PDS5A: variants seen among roughly 807,000 people sequenced by gnomAD.
PDS5A encodes sister chromatid cohesion protein PDS5 homolog A.
PDS5A carries 42 observed loss-of-function variants against 167.1 expected under a neutral mutation model. The observed-to-expected ratio is 0.25, with a 90% confidence interval of 0.20 to 0.33. The LOEUF is 0.33. Ranked by LOEUF, PDS5A falls within the 10% of genes least tolerant of loss-of-function variation. The pLI is 1.00. For synonymous variants in PDS5A, 553 were observed against 554.6 expected (o/e 1.00, Z 0.04); for missense variants, 1,033 against 1,605.9 (o/e 0.64, Z 6.10).
At chr4:39,892,927 GC>G (rs751753882) in intron 16 of PDS5A, among the ~76,000 whole-genome samples, 28 of 152,294 alleles carry the variant, frequency 1.8e-4, no homozygotes, top group Non-Finnish European at 3.7e-4. Context: ...GTGCAGGGGG[GC>G]CCTGCATTAG....
chr4:39,861,253 G>A (rs1425577324), intron 26 of PDS5A, among the ~76,000 whole-genome samples: 1 of 151,918 alleles, frequency 6.6e-6, no homozygotes, highest in Non-Finnish European at 1.5e-5. Flanking sequence ...AAGGTCAGGA[G>A]AGCAGCCTGG....
intron 17 of PDS5A, among the ~76,000 whole-genome samples, chr4:39,885,968 G>GA (rs1321596585): frequency 6.6e-6 from 1 of 151,590 alleles, no homozygotes; most frequent in African/African-American, 2.4e-5. Flanking sequence ...AAAAGAGAAA[G>GA]AAAAAAAAGC....
intron 2 of PDS5A, among the ~76,000 whole-genome samples, chr4:39,939,780 G>C (rs1255911322): frequency 1.3e-5 from 2 of 152,092 alleles, no homozygotes. Context: ...CTGGACAAAA[G>C]AGCAAGACTT....
At chr4:39,973,490 G>A (rs1730768804) in intron 2 of PDS5A, 5 of 1,336,324 alleles carry the variant, frequency 3.7e-6, no homozygotes, top group South Asian at 3.5e-5. Context: ...CTTGATGATA[G>A]TATTGATGAT....
At chr4:39,877,707 G>T (rs1426649614) in intron 18 of PDS5A, among the ~76,000 whole-genome samples, 1 of 151,874 alleles carries the variant, frequency 6.6e-6, no homozygotes, top group Non-Finnish European at 1.5e-5. Context: ...CAGCTCACTG[G>T]GGTCTCAACC....
chr4:39,834,803 T>G (rs1372046692), intron 32 of PDS5A, among the ~76,000 whole-genome samples: 3 of 152,148 alleles, frequency 2.0e-5, no homozygotes, highest in Non-Finnish European at 2.9e-5. Context: ...GTACAACCAT[T>G]ACCACCATCC....
At chr4:39,884,631 C>A (rs752453057) in intron 17 of PDS5A, among the ~76,000 whole-genome samples, 10 of 152,138 alleles carry the variant, frequency 6.6e-5, no homozygotes, top group Non-Finnish European at 1.5e-4. Flanking sequence ...CATCTGACCC[C>A]TCCTTAGCCC....
chr4:39,976,579 C>G lies in PDS5A; in HGVS notation c.-2G>C. 1 of 1,608,836 alleles carries G rather than the reference C, an allele frequency of 6.2e-7. No homozygotes were observed. Among genetic ancestry groups the G allele is most frequent in the Non-Finnish European group, 8.5e-7 (1 of 1,176,200 alleles). ...CTTGGGCTGCGCGGTGAAGTCCATCCTGGGGGACAACTTTTGGTTCACAGT... is the reference window on the plus strand; with the variant it reads ...CTTGGGCTGCGCGGTGAAGTCCATCGTGGGGGACAACTTTTGGTTCACAGT... On this transcript the variant is annotated 5_prime_UTR_variant, in exon 2 of 33. Transcript: ENST00000303538.
intron 26 of PDS5A, among the ~76,000 whole-genome samples, chr4:39,858,436 A>C (rs1440324546): frequency 6.6e-6 from 1 of 152,194 alleles, no homozygotes; most frequent in Non-Finnish European, 1.5e-5. Context: ...ATTTTTGACA[A>C]GGGTGCCAAA....
In PDS5A at chr4:39,869,479, A is replaced by C; in HGVS notation, c.2437-17T>G. The C allele has an allele frequency of 6.6e-7, 1 of 1,510,936 alleles. No homozygotes were observed. The highest frequency in any genetic ancestry group is 1.2e-5 in the South Asian group (1 of 86,202). The allele number at this position is 1,510,936 out of a possible 1,614,324, so 93.6% of individuals were successfully genotyped here. A position where few individuals can be genotyped will look rare whatever the true frequency, so the allele number is the denominator to read the frequency against. The stretch of plus-strand genomic sequence containing the variant: ...ACCTGTTGACTATAGACAATTGAAT[A>C]AATTTAGCTATTAGCATGAAAAAAA... On this transcript the variant is annotated splice_polypyrimidine_tract_variant and intron_variant, in intron 21 of 32. Transcript: ENST00000303538.
At chr4:39,916,951 G>T (rs1008907306) in intron 8 of PDS5A, 97 bp downstream of exon 8, 1 of 572,294 alleles carries the variant, frequency 1.7e-6, no homozygotes, top group South Asian at 4.2e-5. Flanking sequence ...ATTTTTCCTG[G>T]AAAGTTTAAA....
intron 18 of PDS5A, among the ~76,000 whole-genome samples, chr4:39,878,731 C>T (rs544422720): frequency 6.6e-6 from 1 of 152,252 alleles, no homozygotes; most frequent in Non-Finnish European, 1.5e-5. Flanking sequence ...CATATCAATT[C>T]TATTAATGAA....
intron 16 of PDS5A, among the ~76,000 whole-genome samples, chr4:39,894,582 G>A (rs897042078): frequency 6.6e-6 from 1 of 151,994 alleles, no homozygotes; most frequent in Non-Finnish European, 1.5e-5. Flanking sequence ...TATTTGTAAT[G>A]GTATTCAGAT....
In PDS5A at chr4:39,842,079, G is replaced by T. The variant is rs1180332235; in HGVS notation, c.3549-23C>A. The T allele has an allele frequency of 2.9e-6, 4 of 1,394,600 alleles. No individual in the cohort carries two copies. The East Asian group carries it at 9.1e-5, about 32-fold the overall frequency. The allele number at this position is 1,394,600 out of a possible 1,614,324, so 86.4% of individuals were successfully genotyped here. A position where few individuals can be genotyped will look rare whatever the true frequency, so the allele number is the denominator to read the frequency against. On this transcript the variant is annotated intron_variant, in intron 30 of 32. Transcript: ENST00000303538. Reference sequence around the variant, plus strand: ...TCCCTGTTTAAAACAAATAAACCAAGACTTCATATTTCCATGAAGAGAAAG... The same window carrying T: ...TCCCTGTTTAAAACAAATAAACCAATACTTCATATTTCCATGAAGAGAAAG...
intron 2 of PDS5A, among the ~76,000 whole-genome samples, chr4:39,948,745 C>T (rs905063103): frequency 2.6e-5 from 4 of 151,738 alleles, no homozygotes; most frequent in African/African-American, 9.7e-5. Context: ...CTGCCTCAGC[C>T]TCCTGAGTAG....
chr4:39,943,164 A>G (rs933486775), intron 2 of PDS5A, among the ~76,000 whole-genome samples: 5 of 134,120 alleles, frequency 3.7e-5, no homozygotes, highest in African/African-American at 1.1e-4. Flanking sequence ...ACACACACAC[A>G]CACACGCACG....
Position 39,920,363 on chromosome 4 carries a change from G to C in PDS5A, c.691C>G (p.Leu231Val). ...ATAGTCTGGACTGTTCTTTTCAATA[G>C]CACTTTTGCAAGGTCAAAGGACTGT... ...NKQSFDLAKV[L>V]LKRTVQTIEA... The change falls in exon 7 of 33, where the codon CTA becomes GTA. Residue 231 changes from leucine (L) to valine (V), a missense_variant. This residue lies in a region of PDS5A where 388 missense variants were observed against 615.1 expected (regional missense o/e 0.63). Transcript: ENST00000303538. The C allele has an allele frequency of 6.4e-7, 1 of 1,555,846 alleles. No individual in the cohort carries two copies. The highest frequency in any genetic ancestry group is 8.8e-7 in the Non-Finnish European group (1 of 1,130,902).
chr4:39,914,158 ATTTGTT>A (rs1368626837), intron 8 of PDS5A, among the ~76,000 whole-genome samples: 51 of 133,398 alleles, frequency 3.8e-4, no homozygotes, highest in African/African-American at 9.8e-4. Context: ...TGATATACAA[ATTTGTT>A]TTTTTTTTTT....
At chr4:39,974,940 A>T (rs1324126376) in intron 2 of PDS5A, among the ~76,000 whole-genome samples, 1 of 151,876 alleles carries the variant, frequency 6.6e-6, no homozygotes, top group East Asian at 1.9e-4. Context: ...GTGAAATCCC[A>T]TCTCTACTAA....
Sources: gnomAD v4.1 joint callset for allele counts (sites outside exome capture counted in the v4.1 genomes callset) on GRCh38, gnomAD v4.1.1 for gene constraint, gnomAD v4.1.1 regional missense constraint, MANE v1.5 for transcripts, NCBI Gene and HGNC (gene_info 2026-07-23, HGNC 2026-07-21) for gene names.